DMD: variants seen among roughly 807,000 people sequenced by gnomAD.
DMD encodes the protein dystrophin.
DMD carries 63 observed loss-of-function variants against 330.1 expected under a neutral mutation model. The ratio of observed to expected loss-of-function variants is 0.19; its 90% CI spans 0.16 to 0.24. DMD has a LOEUF of 0.24. Ranked by LOEUF, DMD falls within the 10% of genes least tolerant of loss-of-function variation. The pLI is 1.00. For missense variants in DMD, 3,344 were observed against 2,684.1 expected (o/e 1.25, Z -5.43); for synonymous variants, 1,223 against 959.8 (o/e 1.27, Z -5.07).
At chrX:32,001,575 T>G (rs757424803) in intron 44 of DMD, among the ~76,000 whole-genome samples, 1 of 110,711 alleles carries the variant, frequency 9.0e-6, no homozygotes, top group South Asian at 3.9e-4. Flanking sequence ...TCACTTTTGA[T>G]TTTACCATCT....
At chrX:32,664,668 A>T (rs1569424016) in intron 9 of DMD, among the ~76,000 whole-genome samples, 1 of 112,245 alleles carries the variant, frequency 8.9e-6, no homozygotes, top group Non-Finnish European at 1.9e-5. Context: ...AGGAAAAACT[A>T]TTGACGAAGC....
intron 2 of DMD, among the ~76,000 whole-genome samples, chrX:32,864,520 T>A (rs1357208002): frequency 8.9e-6 from 1 of 112,260 alleles, no homozygotes; most frequent in Non-Finnish European, 1.9e-5. Context: ...CAGATACAGT[T>A]ATATAGCCTG....
chrX:33,188,802 G>A (rs1035631930), intron 1 of DMD, among the ~76,000 whole-genome samples: 2 of 111,020 alleles, frequency 1.8e-5, no homozygotes, highest in Non-Finnish European at 3.8e-5. Context: ...GGTTAAATGA[G>A]GTCACTAAGG....
chrX:32,195,074 A>C (rs2096993016), intron 44 of DMD, among the ~76,000 whole-genome samples: 1 of 111,351 alleles, frequency 9.0e-6, no homozygotes, highest in Admixed American at 9.7e-5. Context: ...AAGAGAAGGC[A>C]AATTCAAAAT....
chrX:32,012,024 C>A (rs936664676), intron 44 of DMD, among the ~76,000 whole-genome samples: 4 of 111,808 alleles, frequency 3.6e-5, no homozygotes, highest in African/African-American at 1.3e-4. Flanking sequence ...GTTGTCAAGC[C>A]CCCCCAGTCC....
At chrX:31,493,541 T>C (rs896218705) in intron 57 of DMD, among the ~76,000 whole-genome samples, 2 of 111,418 alleles carry the variant, frequency 1.8e-5, no homozygotes, top group African/African-American at 6.5e-5. Flanking sequence ...ACACGCAGAA[T>C]TGGAAAAAGT....
chrX:31,836,680 T>G (rs781541227), intron 49 of DMD, 38 bp downstream of exon 49: 1 of 1,058,964 alleles, frequency 9.4e-7, no homozygotes. Context: ...CATAACCCAT[T>G]ATGAGGTAAT....
At chrX:31,183,947 T>C (rs144965595) in intron 67 of DMD, among the ~76,000 whole-genome samples, 2,138 of 109,596 alleles carry the variant, frequency 0.02, 66 homozygotes, top group African/African-American at 0.067. Context: ...TCTATCTCTA[T>C]TGCCCAGGCT....
chrX:31,815,515 T>C (rs1286288095), intron 50 of DMD, among the ~76,000 whole-genome samples: 1 of 110,598 alleles, frequency 9.0e-6, no homozygotes, highest in East Asian at 2.8e-4. Flanking sequence ...AACTCTGGGG[T>C]TGAAGCCCAG....
At chrX:32,791,437 C>A (rs1166397763) in intron 7 of DMD, among the ~76,000 whole-genome samples, 1 of 111,953 alleles carries the variant, frequency 8.9e-6, no homozygotes, top group Non-Finnish European at 1.9e-5. Context: ...ACCACTGGGG[C>A]CTGAAGACTG....
chrX:32,126,513 C>T (rs767119459), intron 44 of DMD, among the ~76,000 whole-genome samples: 43 of 112,105 alleles, frequency 3.8e-4, no homozygotes, highest in Non-Finnish European at 7.3e-4. Flanking sequence ...CCAAGAGTTT[C>T]TAGTGTTTTG....
chrX:31,429,847 A>G (rs1234880702), intron 60 of DMD, among the ~76,000 whole-genome samples: 1 of 109,836 alleles, frequency 9.1e-6, no homozygotes, highest in Non-Finnish European at 1.9e-5. Flanking sequence ...GTTGCTGTCT[A>G]ATTAGTGTGG....
At chrX:32,993,525 C>T (rs1413227023) in intron 2 of DMD, among the ~76,000 whole-genome samples, 3 of 109,212 alleles carry the variant, frequency 2.7e-5, no homozygotes, top group Non-Finnish European at 5.7e-5. Flanking sequence ...ATTGCTTGAA[C>T]CCAGGAGGCA....
chrX:31,610,540 C>A (rs2077853141), intron 55 of DMD, among the ~76,000 whole-genome samples: 1 of 111,734 alleles, frequency 8.9e-6, no homozygotes, highest in Non-Finnish European at 1.9e-5. Context: ...CAAATCAAAT[C>A]AAAACAAAAC....
chrX:31,210,360 T>G (rs1363783528), intron 64 of DMD, among the ~76,000 whole-genome samples: 15 of 112,147 alleles, frequency 1.3e-4, no homozygotes, highest in Non-Finnish European at 1.9e-5. Context: ...TTGTATTTCA[T>G]AATATTCTTT....
intron 47 of DMD, among the ~76,000 whole-genome samples, chrX:31,883,916 G>T (rs939100031): frequency 4.2e-4 from 46 of 109,999 alleles, no homozygotes; most frequent in African/African-American, 1.5e-3. Flanking sequence ...TCACTAATCA[G>T]CAGGGAAATG....
intron 15 of DMD, among the ~76,000 whole-genome samples, chrX:32,572,488 A>T (rs1386706399): frequency 1.8e-5 from 2 of 110,595 alleles, no homozygotes; most frequent in African/African-American, 6.6e-5. Flanking sequence ...TTAAACTCAT[A>T]GTATCAGACC....
intron 57 of DMD, among the ~76,000 whole-genome samples, chrX:31,481,990 A>T (rs2068323021): frequency 9.0e-6 from 1 of 110,673 alleles, no homozygotes; most frequent in South Asian, 3.9e-4. Context: ...TAAGCAGAAA[A>T]AATGATTTTT....
chrX:31,298,703 C>T (rs746968705), intron 62 of DMD, among the ~76,000 whole-genome samples: 11 of 111,936 alleles, frequency 9.8e-5, no homozygotes, highest in African/African-American at 3.2e-4. Context: ...TCTTCATCCA[C>T]GTAGGAAACC....
Sources: allele counts gnomAD v4.1 joint callset (sites outside exome capture counted in the v4.1 genomes callset), GRCh38; gene constraint gnomAD v4.1.1; transcripts MANE v1.5; gene names NCBI Gene and HGNC (gene_info 2026-07-23, HGNC 2026-07-21).